Variants in TTC3 observed in about 807,000 individuals in gnomAD.
The protein encoded by TTC3 is E3 ubiquitin-protein ligase TTC3.
Under a neutral mutation model 249.6 loss-of-function variants are expected in TTC3, and 180 were observed. The ratio of observed to expected loss-of-function variants is 0.72; its 90% CI spans 0.64 to 0.82. The LOEUF is 0.82. Among genes scored for constraint, TTC3 ranks in the 40% least tolerant of loss-of-function variants. The probability of loss-of-function intolerance (pLI) is 0.00; values close to 1 mark genes in which losing one functional copy is unlikely to be tolerated. For synonymous variants in TTC3, 717 were observed against 805.0 expected, an observed-to-expected ratio of 0.89 and a Z score of 1.85; for missense variants, 2,061 against 2,398.4, an observed-to-expected ratio of 0.86 and a Z score of 2.94.
At chr21:37,100,204 A>G (rs1439606891) in intron 10 of TTC3, among the ~76,000 whole-genome samples, 3 of 152,210 alleles carry the variant, frequency 2.0e-5, no homozygotes, top group Non-Finnish European at 4.4e-5. Flanking sequence ...GAGCTGAAGT[A>G]TATGGCAACA....
intron 19 of TTC3, 117 bp downstream of exon 19, chr21:37,138,831 A>G: frequency 1.7e-6 from 1 of 602,548 alleles, no homozygotes; most frequent in Non-Finnish European, 2.7e-6. Context: ...TTTGTCTGAA[A>G]TATCTCAGTT....
At chr21:37,141,096 G>T (rs1198579406) in intron 20 of TTC3, among the ~76,000 whole-genome samples, 1 of 152,132 alleles carries the variant, frequency 6.6e-6, no homozygotes, top group African/African-American at 2.4e-5. Flanking sequence ...AGTGAGTTAG[G>T]AATATAAAAG....
chr21:37,161,385 C>T (rs1414231129), intron 30 of TTC3, among the ~76,000 whole-genome samples: 1 of 152,204 alleles, frequency 6.6e-6, no homozygotes, highest in African/African-American at 2.4e-5. Context: ...AAGTGATCTT[C>T]CCACCTCAGC....
chr21:37,196,126 A>G, intron 42 of TTC3, 90 bp downstream of exon 42: 1 of 1,509,966 alleles, frequency 6.6e-7, no homozygotes, highest in Non-Finnish European at 8.9e-7. Context: ...TTAGGTGTTA[A>G]CATGAAAAGG....
intron 41 of TTC3, chr21:37,194,623 G>A (rs1448652581): frequency 1.3e-5 from 2 of 152,144 alleles, no homozygotes; most frequent in African/African-American, 4.8e-5. Context: ...AGAAAAGATC[G>A]TATCCTGAGG....
At chr21:37,098,046 C>A in intron 10 of TTC3, 3 of 655,440 alleles carry the variant, frequency 4.6e-6, no homozygotes, top group Middle Eastern at 2.5e-4. Flanking sequence ...TGGCTTAAGC[C>A]GTGGATAAAC....
At chr21:37,098,678 C>T (rs1452191624) in intron 10 of TTC3, 4 of 152,126 alleles carry the variant, frequency 2.6e-5, no homozygotes, top group Admixed American at 2.6e-4. Flanking sequence ...TGTTTCCTAC[C>T]TCCTCACACA....
intron 6 of TTC3, 68 bp downstream of exon 6, chr21:37,090,354 C>T: frequency 6.5e-6 from 9 of 1,385,158 alleles, no homozygotes; most frequent in African/African-American, 1.4e-5. Context: ...CTGCTCATTT[C>T]CCCTTGCATT....
Position 37,148,704 on chromosome 21 carries a change from T to TC in TTC3, c.2118+62dup, listed in dbSNP as rs1052936791. 137 of 1,194,434 alleles carry TC rather than the reference T, an allele frequency of 1.1e-4. 2 individuals are homozygous for TC. The Admixed American group carries it at 3.5e-3, about 30-fold the overall frequency. 74.0% of individuals were successfully genotyped at this position (1,194,434 alleles called of 1,614,324 possible). A position where few individuals can be genotyped will look rare whatever the true frequency, so the allele number is the denominator to read the frequency against. On this transcript the variant is annotated intron_variant, in intron 23 of 45. Coordinates refer to ENST00000355666, the Ensembl canonical transcript of TTC3. ...AGTATACTTATTGTATGTCAATTTT[T>TC]CCCCCAAGAATTCCTTCCTGAACAT...
At chr21:37,090,376 C>G in intron 6 of TTC3, 90 bp downstream of exon 6, 2 of 1,219,852 alleles carry the variant, frequency 1.6e-6, no homozygotes, top group South Asian at 1.4e-5. Flanking sequence ...GGTCCATACA[C>G]TCAATGTTCT....
chr21:37,094,300 T>G (rs986013898), intron 8 of TTC3, among the ~76,000 whole-genome samples: 1 of 152,184 alleles, frequency 6.6e-6, no homozygotes, highest in Non-Finnish European at 1.5e-5. Flanking sequence ...ACTTTAGTCT[T>G]TAATGAGTTG....
intron 38 of TTC3, 24 bp from the exon 39 acceptor site, chr21:37,188,471 A>G (rs368530299): frequency 1.7e-5 from 27 of 1,581,184 alleles, no homozygotes; most frequent in African/African-American, 1.1e-4. Context: ...TAAAATACTC[A>G]TATGTCTTCT....
rs374691819 is a variant in TTC3, at chr21:37,121,836, A to G, written c.920A>G (p.Asp307Gly). Residue 307 changes from aspartate (D) to glycine (G), a missense_variant, in exon 12 of 46, where the codon GAT (aspartate) becomes GGT (glycine). Around this residue, in one of 3 missense-constraint regions of TTC3, gnomAD observed 989 missense variants for 1,145.1 expected, o/e 0.86. Coordinates refer to ENST00000355666, the Ensembl canonical transcript of TTC3. ...GAACAGGGTCATTATCGTTATTGTG[A>G]TGCTCTTTCTATGCTGGGGGAATAT... The G allele has an allele frequency of 2.5e-6, 4 of 1,603,678 alleles. No homozygotes were observed. In the African/African-American group the frequency reaches 4.0e-5, roughly 16 times the overall value.
At chr21:37,150,194 G>A in intron 24 of TTC3, 24 bp downstream of exon 24, 2 of 1,540,082 alleles carry the variant, frequency 1.3e-6, no homozygotes, top group Non-Finnish European at 1.8e-6. Flanking sequence ...GGGAAACCTT[G>A]TTAGATAGAT....
At chr21:37,120,681 C>T (rs1472642644) in intron 11 of TTC3, among the ~76,000 whole-genome samples, 1 of 152,114 alleles carries the variant, frequency 6.6e-6, no homozygotes, top group African/African-American at 2.4e-5. Flanking sequence ...CCCAAATAGT[C>T]TGTCTAAAAA....
chr21:37,125,335 A>T (rs1419233276), intron 14 of TTC3, among the ~76,000 whole-genome samples: 2 of 152,174 alleles, frequency 1.3e-5, no homozygotes, highest in African/African-American at 4.8e-5. Flanking sequence ...ACCAAACACA[A>T]ATGCTGTATC....
At chr21:37,088,915 GC>G (rs755864000) in intron 5 of TTC3, 29 bp downstream of exon 5, 3 of 1,594,132 alleles carry the variant, frequency 1.9e-6, no homozygotes, top group South Asian at 1.1e-5. Flanking sequence ...GTTCCCCCGA[GC>G]CCTTGGTTTA....
At chr21:37,190,983 CT>C (rs2084014891) in intron 39 of TTC3, among the ~76,000 whole-genome samples, 2 of 152,252 alleles carry the variant, frequency 1.3e-5, no homozygotes, top group African/African-American at 4.8e-5. Context: ...ATGTTTCAGA[CT>C]ACCTTTTTAA....
At chr21:37,148,283 A>G (rs565971156) in intron 22 of TTC3, among the ~76,000 whole-genome samples, 2 of 152,342 alleles carry the variant, frequency 1.3e-5, no homozygotes, top group Non-Finnish European at 2.9e-5. Context: ...TAAATTTGAG[A>G]TAAGTCTGGC....
Sources: allele counts gnomAD v4.1 joint callset (sites outside exome capture counted in the v4.1 genomes callset), GRCh38; gene constraint gnomAD v4.1.1; regional missense constraint gnomAD v4.1.1; transcripts MANE v1.5; gene names NCBI Gene and HGNC (gene_info 2026-07-23, HGNC 2026-07-21).